The following ACTR3 variants were observed in gnomAD, a reference collection of about 807,000 sequenced individuals.
ACTR3 encodes the protein actin related protein 3, also known as actin-related protein 3.
A neutral mutation model predicts 56.8 loss-of-function variants in ACTR3; 12 were observed. That is an observed-to-expected ratio of 0.21 (90% CI 0.14 to 0.34). ACTR3 has a LOEUF of 0.34. Among genes scored for constraint, ACTR3 ranks in the 10% least tolerant of loss-of-function variants. The pLI, the probability that ACTR3 is intolerant of heterozygous loss-of-function variation, is 1.00. For synonymous variants in ACTR3, 162 were observed against 167.4 expected, an observed-to-expected ratio of 0.97 and a Z score of 0.25; for missense variants, 282 against 512.5, an observed-to-expected ratio of 0.55 and a Z score of 4.34.
intron 8 of ACTR3, among the ~76,000 whole-genome samples, chr2:113,945,641 A>G (rs949132580): frequency 6.6e-6 from 1 of 151,034 alleles, no homozygotes. Flanking sequence ...CATTTGCTTC[A>G]TTTTCTTTTT....
intron 1 of ACTR3, 134 bp downstream of exon 1, chr2:113,890,457 C>G (rs2104574118): frequency 1.6e-6 from 2 of 1,258,962 alleles, no homozygotes; most frequent in East Asian, 6.1e-5. Context: ...CGCCGGCCAG[C>G]GAGGGGTGGG....
intron 1 of ACTR3, chr2:113,890,892 C>T (rs953729721): frequency 1.5e-5 from 9 of 618,354 alleles, no homozygotes; most frequent in Non-Finnish European, 1.8e-5. Context: ...TGACCACCCA[C>T]CTTCTCCTTT....
intron 4 of ACTR3, among the ~76,000 whole-genome samples, chr2:113,929,256 C>T (rs1679675998): frequency 1.3e-5 from 2 of 151,988 alleles, no homozygotes; most frequent in Admixed American, 1.3e-4. Context: ...GTTCTCCCAG[C>T]TCAGATTCCT....
At chr2:113,890,863 C>G in intron 1 of ACTR3, 1 of 880,902 alleles carries the variant, frequency 1.1e-6, no homozygotes, top group Non-Finnish European at 1.4e-6. Flanking sequence ...AAATGGGAAC[C>G]TACAGTGGGG....
intron 3 of ACTR3, among the ~76,000 whole-genome samples, chr2:113,923,729 C>A (rs1459876110): frequency 7.0e-6 from 1 of 143,568 alleles, no homozygotes; most frequent in Non-Finnish European, 1.5e-5. Context: ...GCTTTCAGTT[C>A]TCCTTTTTTT....
chr2:113,891,954 A>G (rs1678912430), intron 1 of ACTR3, among the ~76,000 whole-genome samples: 1 of 152,170 alleles, frequency 6.6e-6, no homozygotes, highest in African/African-American at 2.4e-5. Context: ...CAGTTTTAAA[A>G]TTAGATTTGG....
intron 1 of ACTR3, among the ~76,000 whole-genome samples, chr2:113,899,048 C>A (rs1038389114): frequency 1.3e-5 from 2 of 152,042 alleles, no homozygotes; most frequent in East Asian, 1.9e-4. Context: ...CATACTTAAA[C>A]CCAAAGCTAC....
intron 6 of ACTR3, among the ~76,000 whole-genome samples, chr2:113,938,994 C>T (rs956467679): frequency 5.9e-5 from 9 of 151,988 alleles, no homozygotes; most frequent in African/African-American, 2.2e-4. Flanking sequence ...CCCTACTCTG[C>T]CGATTGTCAA....
intron 2 of ACTR3, 36 bp from the exon 3 acceptor site, chr2:113,916,848 A>G: frequency 6.4e-7 from 1 of 1,558,768 alleles, no homozygotes; most frequent in South Asian, 1.2e-5. Flanking sequence ...CATTTGAGGA[A>G]AATGAATTCT....
intron 1 of ACTR3, among the ~76,000 whole-genome samples, chr2:113,909,606 TTTG>T (rs148609205): frequency 0.079 from 11,890 of 150,098 alleles, 516 homozygotes; most frequent in East Asian, 0.18. Context: ...TAAAAGTTTT[TTTG>T]TTGTTGTTGT....
intron 3 of ACTR3, among the ~76,000 whole-genome samples, chr2:113,924,951 G>GAGTGA: frequency 6.6e-6 from 1 of 150,868 alleles, no homozygotes. Flanking sequence ...GGCTGGAGTG[G>GAGTGA]AGTGATGTGA....
intron 6 of ACTR3, among the ~76,000 whole-genome samples, chr2:113,938,122 C>G (rs931508186): frequency 2.0e-5 from 3 of 151,900 alleles, no homozygotes; most frequent in Admixed American, 1.3e-4. Flanking sequence ...GTAATCTCAT[C>G]TAGTGTTTTT....
intron 4 of ACTR3, among the ~76,000 whole-genome samples, chr2:113,930,290 G>A (rs1386778735): frequency 2.6e-5 from 4 of 151,898 alleles, no homozygotes. Flanking sequence ...AACACCACAG[G>A]GAGTTTAGCT....
chr2:113,898,887 A>C (rs914392819), intron 1 of ACTR3, among the ~76,000 whole-genome samples: 5 of 152,202 alleles, frequency 3.3e-5, no homozygotes, highest in African/African-American at 9.6e-5. Flanking sequence ...TGTTATAAAT[A>C]ATCCCATTTC....
At position 113,957,564 on chromosome 2, in the gene ACTR3, A is replaced by T. The variant is rs1680239575; in HGVS notation, c.*109A>T. The T allele has an allele frequency of 1.9e-5, 14 of 754,706 alleles. No individual in the cohort carries two copies. Among genetic ancestry groups the T allele is most frequent in the Admixed American group, 6.1e-5 (3 of 49,186 alleles). 46.8% of individuals were successfully genotyped at this position (754,706 alleles called of 1,614,324 possible). A position where few individuals can be genotyped will look rare whatever the true frequency, so the allele number is the denominator to read the frequency against. ...TGAGGTTTTAAACCTGACTTGAAAT[A>T]GTAACACCAAACATGATTATACAGG... On this transcript the variant is annotated 3_prime_UTR_variant, in exon 12 of 12. Coordinates refer to ENST00000263238, the MANE Select transcript of ACTR3 (RefSeq NM_005721.5).
At chr2:113,909,271 A>T (rs1444422976) in intron 1 of ACTR3, among the ~76,000 whole-genome samples, 1 of 151,950 alleles carries the variant, frequency 6.6e-6, no homozygotes, top group Non-Finnish European at 1.5e-5. Flanking sequence ...TTACATATTG[A>T]CTGTTTTGTA....
chr2:113,944,871 A>G (rs1679988385), intron 8 of ACTR3, among the ~76,000 whole-genome samples: 1 of 152,190 alleles, frequency 6.6e-6, no homozygotes, highest in Non-Finnish European at 1.5e-5. Context: ...TCCATTCTTT[A>G]CTCAAGGTAG....
At chr2:113,926,126 C>T (rs932306112) in intron 3 of ACTR3, among the ~76,000 whole-genome samples, 6 of 152,194 alleles carry the variant, frequency 3.9e-5, no homozygotes, top group Non-Finnish European at 7.3e-5. Context: ...CATCGCTCAG[C>T]TTCTCAAACC....
intron 6 of ACTR3, among the ~76,000 whole-genome samples, chr2:113,934,889 T>G (rs1679795630): frequency 6.6e-6 from 1 of 152,190 alleles, no homozygotes; most frequent in South Asian, 2.1e-4. Context: ...TACATCAAGT[T>G]TTAAAAAAAT....
Sources: gnomAD v4.1 joint callset for allele counts (sites outside exome capture counted in the v4.1 genomes callset) on GRCh38, gnomAD v4.1.1 for gene constraint, MANE v1.5 for transcripts, NCBI Gene and HGNC (gene_info 2026-07-23, HGNC 2026-07-21) for gene names.